Variants in TNS3 observed in about 807,000 individuals in gnomAD.
TNS3 encodes tensin 3.
In TNS3, 45 loss-of-function variants were observed where a neutral mutation model predicts 140.9. The ratio of observed to expected loss-of-function variants is 0.32; its 90% CI spans 0.25 to 0.41. The LOEUF (loss-of-function observed/expected upper bound fraction) is 0.41. Ranked by LOEUF, TNS3 falls within the 10% of genes least tolerant of loss-of-function variation. The pLI is 1.00. For synonymous variants in TNS3, 815 were observed against 788.4 expected, an observed-to-expected ratio of 1.03 and a Z score of -0.56; for missense variants, 1,716 against 1,906.7, an observed-to-expected ratio of 0.90 and a Z score of 1.86.
intron 20 of TNS3, among the ~76,000 whole-genome samples, chr7:47,334,572 G>C (rs1457179955): frequency 6.9e-6 from 1 of 144,380 alleles, no homozygotes; most frequent in Non-Finnish European, 1.5e-5. Flanking sequence ...TTATGAAATA[G>C]TTTGGAAGCT....
rs1222201124 is a variant in TNS3 at position 47,545,094 on chromosome 7, G to C, written c.-264-15947C>G. Among the ~76,000 whole-genome samples the C allele has an allele frequency of 2.0e-5, 3 of 151,532 alleles. No homozygotes were observed. In the East Asian group the frequency reaches 5.8e-4, roughly 29 times the overall value. On this transcript the variant is annotated intron_variant, in intron 1 of 30. Transcript: ENST00000311160. ...GACACAGTTGTTGGTGTTGTGCCTG[G>C]CCTTTTAAACTCTTCCGTGATAATA...
intron 1 of TNS3, among the ~76,000 whole-genome samples, chr7:47,543,455 G>T (rs1057376414): frequency 1.3e-5 from 2 of 152,250 alleles, no homozygotes; most frequent in Non-Finnish European, 2.9e-5. Context: ...AGTCCCTGCG[G>T]TGAGGGGGCT....
intron 13 of TNS3, among the ~76,000 whole-genome samples, chr7:47,401,901 C>G (rs543322110): frequency 2.0e-5 from 3 of 152,234 alleles, no homozygotes; most frequent in African/African-American, 4.8e-5. Flanking sequence ...CAGACCAAAT[C>G]GTGCACAGGC....
At chr7:47,432,796 T>G (rs556746289) in intron 8 of TNS3, among the ~76,000 whole-genome samples, 2 of 152,166 alleles carry the variant, frequency 1.3e-5, no homozygotes, top group Non-Finnish European at 2.9e-5. Flanking sequence ...CATATAATGT[T>G]CATGTAAATA....
chr7:47,364,360 G>A (rs945718184), intron 17 of TNS3, among the ~76,000 whole-genome samples: 9 of 144,860 alleles, frequency 6.2e-5, no homozygotes, highest in African/African-American at 2.3e-4. Context: ...TCAGTTCACT[G>A]CAATCTCTGC....
chr7:47,537,121 G>T (rs1359107702), intron 1 of TNS3, among the ~76,000 whole-genome samples: 1 of 151,900 alleles, frequency 6.6e-6, no homozygotes, highest in African/African-American at 2.4e-5. Context: ...TGCCCCTGCC[G>T]CCCGCGGGGA....
chr7:47,297,426 T>C (rs751773723), intron 23 of TNS3, among the ~76,000 whole-genome samples: 8 of 152,060 alleles, frequency 5.3e-5, no homozygotes, highest in Admixed American at 2.0e-4. Context: ...GTATGTTTCA[T>C]GGGTGGGCCT....
chr7:47,569,103 C>T (rs1800493271), intron 1 of TNS3, among the ~76,000 whole-genome samples: 1 of 152,220 alleles, frequency 6.6e-6, no homozygotes, highest in African/African-American at 2.4e-5. Context: ...TGGCTAGTGT[C>T]TTACGTGCAC....
At chr7:47,333,414 T>C (rs2150929172) in intron 20 of TNS3, among the ~76,000 whole-genome samples, 1 of 152,364 alleles carries the variant, frequency 6.6e-6, no homozygotes, top group Non-Finnish European at 1.5e-5. Context: ...CAGGCATGTC[T>C]ATTCCTATGC....
chr7:47,577,077 T>G (rs1053497969), intron 1 of TNS3, among the ~76,000 whole-genome samples: 2 of 152,062 alleles, frequency 1.3e-5, no homozygotes, highest in African/African-American at 4.8e-5. Context: ...CAAGACACAA[T>G]GAAAGGAGGT....
intron 1 of TNS3, among the ~76,000 whole-genome samples, chr7:47,578,565 G>A (rs887456956): frequency 6.6e-6 from 1 of 152,004 alleles, no homozygotes; most frequent in Non-Finnish European, 1.5e-5. Flanking sequence ...GGGTTGGGGG[G>A]GGGCGGTGGT....
At chr7:47,506,774 G>A (rs759586262) in intron 3 of TNS3, 133 bp downstream of exon 3, 17 of 523,388 alleles carry the variant, frequency 3.2e-5, no homozygotes, top group East Asian at 2.1e-4. Flanking sequence ...AGTATACACC[G>A]TACCCCAGCC....
intron 2 of TNS3, among the ~76,000 whole-genome samples, chr7:47,513,967 T>C (rs1053557559): frequency 6.6e-6 from 1 of 152,266 alleles, no homozygotes; most frequent in Non-Finnish European, 1.5e-5. Flanking sequence ...CATTTTTATA[T>C]GTTGTCTTGG....
intron 4 of TNS3, among the ~76,000 whole-genome samples, chr7:47,454,940 C>T (rs1008832306): frequency 1.3e-5 from 2 of 152,164 alleles, no homozygotes; most frequent in Non-Finnish European, 2.9e-5. Flanking sequence ...TATGCTGAGT[C>T]CACTCTGGAG....
intron 3 of TNS3, among the ~76,000 whole-genome samples, chr7:47,504,349 G>A (rs1798335883): frequency 6.6e-6 from 1 of 152,216 alleles, no homozygotes; most frequent in South Asian, 2.1e-4. Context: ...CTGGATGGGA[G>A]GAGCCTGTGA....
At chr7:47,542,375 G>A (rs1327583440) in intron 1 of TNS3, among the ~76,000 whole-genome samples, 1 of 152,160 alleles carries the variant, frequency 6.6e-6, no homozygotes, top group African/African-American at 2.4e-5. Context: ...ACCCAAGTGA[G>A]GGGTGGAGAG....
intron 3 of TNS3, among the ~76,000 whole-genome samples, chr7:47,487,696 ACT>A (rs1797662848): frequency 6.6e-6 from 1 of 152,228 alleles, no homozygotes; most frequent in Non-Finnish European, 1.5e-5. Context: ...AAAGCAATTC[ACT>A]GAGTTAAGCC....
Position 47,276,351 on chromosome 7 carries a change from T to A in TNS3, c.*1725A>T, listed in dbSNP as rs1784869721. 1.3e-5 allele frequency: 2 copies of A among 152,896 alleles called. No individual in the cohort carries two copies. The highest frequency in any genetic ancestry group is 4.1e-4 in the South Asian group (2 of 4,852). The allele number at this position is 152,896 out of a possible 1,614,324, so 9.5% of individuals were successfully genotyped here. A position where few individuals can be genotyped will look rare whatever the true frequency, so the allele number is the denominator to read the frequency against. ...ACACGCACACACACACAACACCCAC[T>A]GTGATTTGGCTGCTTCCAACTCTGC... On this transcript the variant is annotated 3_prime_UTR_variant, in exon 31 of 31. Coordinates refer to ENST00000311160, the MANE Select transcript of TNS3 (RefSeq NM_022748.12).
At chr7:47,463,941 G>T (rs1796595391) in intron 4 of TNS3, among the ~76,000 whole-genome samples, 1 of 152,130 alleles carries the variant, frequency 6.6e-6, no homozygotes, top group African/African-American at 2.4e-5. Context: ...AAACTTGCCA[G>T]TTTCTAATTC....
Sources: allele counts gnomAD v4.1 joint callset (sites outside exome capture counted in the v4.1 genomes callset), GRCh38; gene constraint gnomAD v4.1.1; transcripts MANE v1.5; gene names NCBI Gene and HGNC (gene_info 2026-07-23, HGNC 2026-07-21).